The following EXO1 variants were observed in gnomAD, a reference collection of about 807,000 sequenced individuals.
EXO1 encodes exonuclease 1.
A neutral mutation model predicts 84.5 loss-of-function variants in EXO1; 69 were observed. The ratio of observed to expected loss-of-function variants is 0.82; its 90% CI spans 0.67 to 1.00. The LOEUF (loss-of-function observed/expected upper bound fraction) is 1.00. Ranked by LOEUF, EXO1 falls within the 50% of genes least tolerant of loss-of-function variation. EXO1 has a pLI of 0.00. For missense variants in EXO1, 1,045 were observed against 1,000.7 expected (o/e 1.04, Z -0.60); for synonymous variants, 373 against 366.1 (o/e 1.02, Z -0.21).
At chr1:241,879,459 T>C (rs1036209082) in intron 13 of EXO1, 116 bp downstream of exon 13, 1 of 656,176 alleles carries the variant, frequency 1.5e-6, no homozygotes, top group Non-Finnish European at 2.6e-6. Flanking sequence ...TATTTTTTCA[T>C]TCTAAACTCT....
At chr1:241,886,709 A>G (rs1663091474) in intron 15 of EXO1, among the ~76,000 whole-genome samples, 1 of 152,226 alleles carries the variant, frequency 6.6e-6, no homozygotes, top group African/African-American at 2.4e-5. Flanking sequence ...CATCATAGAA[A>G]TTGAAATAGA....
At chr1:241,883,453 G>A (rs1311892074) in intron 14 of EXO1, among the ~76,000 whole-genome samples, 2 of 151,994 alleles carry the variant, frequency 1.3e-5, no homozygotes, top group African/African-American at 4.8e-5. Context: ...TCTTCTTAAG[G>A]GCACTAATCT....
At chr1:241,888,353 G>A (rs1384915737) in intron 15 of EXO1, among the ~76,000 whole-genome samples, 1 of 152,188 alleles carries the variant, frequency 6.6e-6, no homozygotes, top group African/African-American at 2.4e-5. Flanking sequence ...TTAACTGCAA[G>A]TGCGCAGAGG....
At chr1:241,850,997 G>A (rs1318434015) in intron 4 of EXO1, among the ~76,000 whole-genome samples, 1 of 151,754 alleles carries the variant, frequency 6.6e-6, no homozygotes, top group Admixed American at 6.6e-5. Flanking sequence ...ACCATACCCG[G>A]CTAATTTTTG....
intron 9 of EXO1, 57 bp downstream of exon 9, chr1:241,860,761 G>A (rs1360268883): frequency 1.4e-5 from 20 of 1,452,356 alleles, no homozygotes; most frequent in Non-Finnish European, 1.8e-5. Flanking sequence ...ATATTTTTAT[G>A]GTGATTTTTT....
Position 241,850,539 on chromosome 1 carries a change from A to T in EXO1, c.114A>T (p.Gly38=). ...AVDTYCWLHK[G]AIACAEKLAK... is the part of the protein sequence containing the mutation. Reference sequence around the variant, plus strand: ...ATACATATTGCTGGCTTCACAAAGGAGCTATTGCTTGTGCTGAAAAACTAG... The same window carrying T: ...ATACATATTGCTGGCTTCACAAAGGTGCTATTGCTTGTGCTGAAAAACTAG... The change falls in exon 4 of 16, where the codon GGA becomes GGT. Residue 38 remains glycine (G), a synonymous_variant. Coordinates refer to ENST00000366548, the MANE Select transcript of EXO1 (RefSeq NM_130398.4). 1.9e-6 allele frequency: 3 copies of T among 1,614,016 alleles called. No individual in the cohort carries two copies. The highest frequency in any genetic ancestry group is 2.5e-6 in the Non-Finnish European group (3 of 1,179,926).
At chr1:241,873,229 C>G (rs188498637) in intron 12 of EXO1, among the ~76,000 whole-genome samples, 2 of 152,240 alleles carry the variant, frequency 1.3e-5, no homozygotes, top group African/African-American at 4.8e-5. Flanking sequence ...CCTCCCTCCC[C>G]CCAATTGTGG....
chr1:241,852,102 C>T (rs970098090), intron 4 of EXO1, among the ~76,000 whole-genome samples, 190 bp from the exon 5 acceptor site: 1 of 152,156 alleles, frequency 6.6e-6, no homozygotes, highest in Non-Finnish European at 1.5e-5. Flanking sequence ...TCACATGGCT[C>T]GTAAGTATCC....
At chr1:241,889,069 CA>C (rs1663230697) in intron 15 of EXO1, among the ~76,000 whole-genome samples, 1 of 147,992 alleles carries the variant, frequency 6.8e-6, no homozygotes, top group Admixed American at 6.6e-5. Context: ...GAGACCATCT[CA>C]AAAAAGAAAA....
Position 241,853,366 on chromosome 1 carries a change from A to C in EXO1, c.290A>C (p.Gln97Pro). 3 of 1,613,982 alleles carry C rather than the reference A, an allele frequency of 1.9e-6. No homozygotes were observed. The highest frequency in any genetic ancestry group is 2.5e-6 in the Non-Finnish European group (3 of 1,179,874). Residue 97 changes from glutamine to proline, a missense_variant, in exon 6 of 16, where the codon CAA becomes CCA. Transcript: ENST00000366548. Reference sequence around the variant, plus strand: ...ATGTTCTTCCCTTGCAGAAGACGACAAGCCAATCTTCTTAAGGGAAAGCAA... The same window carrying C: ...ATGTTCTTCCCTTGCAGAAGACGACCAGCCAATCTTCTTAAGGGAAAGCAA... ...EVERSRRERR[Q>P]ANLLKGKQLL...
intron 11 of EXO1, among the ~76,000 whole-genome samples, chr1:241,868,051 G>A (rs1405195459): frequency 1.3e-5 from 2 of 151,886 alleles, no homozygotes; most frequent in Non-Finnish European, 2.9e-5. Context: ...GACCAGGCTT[G>A]GCAACACACT....
intron 8 of EXO1, among the ~76,000 whole-genome samples, chr1:241,860,161 T>G (rs931403891): frequency 1.3e-5 from 2 of 152,242 alleles, no homozygotes; most frequent in African/African-American, 4.8e-5. Flanking sequence ...TATTTGCATT[T>G]TTTTAATTCT....
Position 241,879,291 on chromosome 1 carries a change from G to A in EXO1, c.2057G>A (p.Ser686Asn). 6.2e-7 allele frequency: 1 copy of A among 1,606,036 alleles called. No individual in the cohort carries two copies. Among genetic ancestry groups the A allele is most frequent in the South Asian group, 1.1e-5 (1 of 88,900 alleles). The change falls in exon 13 of 16, where the codon AGT becomes AAT. Residue 686 changes from serine to asparagine, a missense_variant. Physicochemically the swap from Ser to Asn is conservative, Grantham distance 46 (BLOSUM62 1). Coordinates refer to ENST00000366548, the MANE Select transcript of EXO1 (RefSeq NM_130398.4). ...GAAAGTGGAGAATTCTCACTGCAGA[G>A]TTCAAATGCATCAAAGCTTTCTCAG... ...SQESGEFSLQ[S>N]SNASKLSQCS...
chr1:241,864,117 G>C (rs918704806), intron 10 of EXO1, among the ~76,000 whole-genome samples: 1 of 152,132 alleles, frequency 6.6e-6, no homozygotes, highest in Non-Finnish European at 1.5e-5. Context: ...AGTCATATTT[G>C]AAGGGGCCCC....
intron 15 of EXO1, among the ~76,000 whole-genome samples, chr1:241,888,171 T>C (rs1480453174): frequency 6.6e-6 from 1 of 151,988 alleles, no homozygotes; most frequent in Non-Finnish European, 1.5e-5. Context: ...GCCCGGGAGG[T>C]GGCGGTTGCA....
At chr1:241,871,891 GTTTTC>G (rs1161197498) in intron 11 of EXO1, 136 bp from the exon 12 acceptor site, 2 of 614,380 alleles carry the variant, frequency 3.3e-6, no homozygotes, top group South Asian at 2.3e-5. Context: ...TTATCCTTAT[GTTTTC>G]TTTTCTGAGG....
chr1:241,865,165 C>G (rs891038427), intron 10 of EXO1, among the ~76,000 whole-genome samples: 9 of 143,238 alleles, frequency 6.3e-5, no homozygotes, highest in South Asian at 4.4e-4. Flanking sequence ...GCCACCACAC[C>G]TGGCCACAGC....
chr1:241,873,808 A>G (rs851778), intron 12 of EXO1, among the ~76,000 whole-genome samples: 76,864 of 151,942 alleles, frequency 0.51, 19,738 homozygotes, highest in East Asian at 0.71. Flanking sequence ...AAGGGTAAGA[A>G]GGAAGGGATG....
At chr1:241,877,460 A>G (rs1662464336) in intron 12 of EXO1, among the ~76,000 whole-genome samples, 2 of 152,032 alleles carry the variant, frequency 1.3e-5, no homozygotes, top group Admixed American at 1.3e-4. Flanking sequence ...GCCTAGTAAG[A>G]GCTTTTCTTC....
Sources: allele counts gnomAD v4.1 joint callset (sites outside exome capture counted in the v4.1 genomes callset), GRCh38; gene constraint gnomAD v4.1.1; transcripts MANE v1.5; gene names NCBI Gene and HGNC (gene_info 2026-07-23, HGNC 2026-07-21).